Variants in CACNA2D3 observed in about 807,000 individuals in gnomAD.
CACNA2D3 encodes the protein calcium voltage-gated channel auxiliary subunit alpha2delta 3.
Under a neutral mutation model 160.6 loss-of-function variants are expected in CACNA2D3, and 60 were observed. That is an observed-to-expected ratio of 0.37 (90% CI 0.30 to 0.46). The LOEUF (loss-of-function observed/expected upper bound fraction) is 0.46. Ranked by LOEUF, CACNA2D3 falls within the 20% of genes least tolerant of loss-of-function variation. The pLI is 1.00. For synonymous variants in CACNA2D3, 558 were observed against 492.9 expected (o/e 1.13, Z -1.75); for missense variants, 1,205 against 1,365.0 (o/e 0.88, Z 1.85).
intron 13 of CACNA2D3, among the ~76,000 whole-genome samples, chr3:54,796,981 G>T (rs1370326606): frequency 6.6e-6 from 1 of 152,154 alleles, no homozygotes; most frequent in Non-Finnish European, 1.5e-5. Flanking sequence ...CTCCAGAGCT[G>T]TCTTCTGAAT....
intron 13 of CACNA2D3, among the ~76,000 whole-genome samples, chr3:54,807,477 G>T (rs912218137): frequency 2.0e-5 from 3 of 152,164 alleles, no homozygotes; most frequent in African/African-American, 7.2e-5. Flanking sequence ...CTGGCCATCA[G>T]AGAAATGCAA....
chr3:54,969,261 A>ATTTTTT (rs139722160), intron 28 of CACNA2D3, among the ~76,000 whole-genome samples: 11,276 of 126,446 alleles, frequency 0.089, 558 homozygotes, highest in East Asian at 0.18. Flanking sequence ...CATAAAGTAG[A>ATTTTTT]CTTTTTTTTT....
intron 13 of CACNA2D3, among the ~76,000 whole-genome samples, chr3:54,765,550 G>T (rs1702208961): frequency 6.6e-6 from 1 of 152,108 alleles, no homozygotes; most frequent in South Asian, 2.1e-4. Context: ...AGCAGCCATG[G>T]TGATAACTTC....
At chr3:54,581,773 G>A (rs747589029) in intron 8 of CACNA2D3, 30 bp from the exon 9 acceptor site, 11 of 1,566,168 alleles carry the variant, frequency 7.0e-6, no homozygotes, top group Non-Finnish European at 9.7e-6. Flanking sequence ...CCTTAATTAA[G>A]TGTTCCTTCT....
chr3:54,278,133 A>G (rs1702787509), intron 2 of CACNA2D3, among the ~76,000 whole-genome samples: 1 of 152,236 alleles, frequency 6.6e-6, no homozygotes, highest in Admixed American at 6.5e-5. Context: ...CAAGGAAGTT[A>G]AACAAATTTA....
At chr3:54,424,253 C>T (rs932278629) in intron 4 of CACNA2D3, among the ~76,000 whole-genome samples, 2 of 152,168 alleles carry the variant, frequency 1.3e-5, no homozygotes, top group South Asian at 4.1e-4. Flanking sequence ...TTCCCACAGC[C>T]AGGCTGCAAA....
At chr3:54,556,407 G>A (rs961899542) in intron 5 of CACNA2D3, among the ~76,000 whole-genome samples, 6 of 152,094 alleles carry the variant, frequency 3.9e-5, no homozygotes, top group African/African-American at 9.7e-5. Flanking sequence ...GACGGCAGGC[G>A]AGCACCAGAG....
chr3:54,637,647 TATTG>T (rs1700675673), intron 10 of CACNA2D3: 2 of 151,796 alleles, frequency 1.3e-5, no homozygotes, highest in Admixed American at 6.5e-5. Flanking sequence ...GTAGCCTCCG[TATTG>T]ATTAAGAAGG....
intron 9 of CACNA2D3, among the ~76,000 whole-genome samples, chr3:54,611,910 T>C (rs567498135): frequency 6.6e-6 from 1 of 152,332 alleles, no homozygotes; most frequent in East Asian, 1.9e-4. Context: ...TGTTTTATCT[T>C]TCGAAAAGGA....
At chr3:54,813,681 G>T (rs1281849909) in intron 13 of CACNA2D3, among the ~76,000 whole-genome samples, 1 of 151,846 alleles carries the variant, frequency 6.6e-6, no homozygotes, top group African/African-American at 2.4e-5. Flanking sequence ...GACTTCACAC[G>T]TACATATGGG....
At chr3:54,570,149 A>G in intron 8 of CACNA2D3, 45 bp downstream of exon 8, 3 of 1,591,844 alleles carry the variant, frequency 1.9e-6, no homozygotes, top group Non-Finnish European at 1.7e-6. Flanking sequence ...GGTTCATTTG[A>G]TCTTTTGGTA....
chr3:54,656,508 G>A (rs989397692), intron 11 of CACNA2D3, among the ~76,000 whole-genome samples: 4 of 152,204 alleles, frequency 2.6e-5, no homozygotes, highest in African/African-American at 9.6e-5. Flanking sequence ...CTCATCGGGC[G>A]AGCTGTGCCC....
At chr3:54,507,573 C>T (rs1382854775) in intron 5 of CACNA2D3, among the ~76,000 whole-genome samples, 1 of 152,154 alleles carries the variant, frequency 6.6e-6, no homozygotes, top group East Asian at 1.9e-4. Flanking sequence ...AGATGTCATC[C>T]AGGGCTGTGG....
intron 13 of CACNA2D3, among the ~76,000 whole-genome samples, chr3:54,801,095 T>C (rs1173762825): frequency 1.3e-5 from 2 of 151,820 alleles, no homozygotes; most frequent in African/African-American, 4.8e-5. Flanking sequence ...CAACAGATTC[T>C]AACGCCTCAG....
At position 55,004,356 on chromosome 3, in the gene CACNA2D3, G is replaced by C. The variant is rs573856544; in HGVS notation, c.2691-407G>C. Among the ~76,000 whole-genome samples, 11 of 152,306 alleles carry C rather than the reference G, an allele frequency of 7.2e-5. No homozygotes were observed. In the South Asian group the frequency reaches 1.9e-3, roughly 26 times the overall value. ...GAATCCTGCCATGCTTTATCCCAAA[G>C]TGGTTCTTCTTAGTTCTCCTGTCCC... On this transcript the variant is annotated intron_variant, in intron 31 of 37. Transcript: ENST00000474759.
At chr3:54,827,520 A>G (rs1336449036) in intron 14 of CACNA2D3, among the ~76,000 whole-genome samples, 4 of 152,192 alleles carry the variant, frequency 2.6e-5, no homozygotes, top group Non-Finnish European at 5.9e-5. Context: ...AGCACATTGC[A>G]GTGTTCAACT....
At chr3:54,849,756 G>A (rs1699015150) in intron 17 of CACNA2D3, among the ~76,000 whole-genome samples, 1 of 152,154 alleles carries the variant, frequency 6.6e-6, no homozygotes, top group South Asian at 2.1e-4. Context: ...TGTGAGTGTG[G>A]GGTTGTGGCC....
chr3:54,213,348 G>A (rs561440680), intron 2 of CACNA2D3, among the ~76,000 whole-genome samples: 2 of 152,262 alleles, frequency 1.3e-5, no homozygotes, highest in East Asian at 3.9e-4. Context: ...TTTCTATGAT[G>A]TTACTGTGGC....
chr3:54,598,307 C>CAAAAAAAAAAAAAAAAAA (rs10656534), intron 9 of CACNA2D3, among the ~76,000 whole-genome samples: 15 of 49,826 alleles, frequency 3.0e-4, no homozygotes, highest in South Asian at 1.8e-3. Context: ...CTCCGTCTCA[C>CAAAAAAAAAAAAAAAAAA]AAAAAAAAAA....
Sources: gnomAD v4.1 joint callset for allele counts (sites outside exome capture counted in the v4.1 genomes callset) on GRCh38, gnomAD v4.1.1 for gene constraint, MANE v1.5 for transcripts, NCBI Gene and HGNC (gene_info 2026-07-23, HGNC 2026-07-21) for gene names.